The following CDCA4 variants were observed in gnomAD, a reference collection of about 807,000 sequenced individuals.
The protein encoded by CDCA4 is cell division cycle associated 4, also known as cell division cycle-associated protein 4.
For synonymous variants in CDCA4, 130 were observed against 137.0 expected, an observed-to-expected ratio of 0.95 and a Z score of 0.36; for missense variants, 294 against 322.1, an observed-to-expected ratio of 0.91 and a Z score of 0.67.
chr14:105,012,623 A>T (rs1566938524), intron 1 of CDCA4, among the ~76,000 whole-genome samples: 1 of 152,182 alleles, frequency 6.6e-6, no homozygotes, highest in East Asian at 1.9e-4. Flanking sequence ...TTTCGTGCAC[A>T]ATTCTCCAAG....
chr14:105,012,267 C>T (rs890169019), intron 1 of CDCA4, among the ~76,000 whole-genome samples: 8 of 152,210 alleles, frequency 5.3e-5, no homozygotes, highest in South Asian at 2.1e-4. Context: ...TGTAAGTGTT[C>T]GAGAGCTTGG....
At chr14:105,012,017 T>A in intron 1 of CDCA4, 82 bp from the exon 2 acceptor site, 1 of 1,482,228 alleles carries the variant, frequency 6.7e-7, no homozygotes, top group Non-Finnish European at 9.1e-7. Flanking sequence ...CTGACTGCCC[T>A]CACTGTACGC....
intron 1 of CDCA4, among the ~76,000 whole-genome samples, chr14:105,014,976 T>C (rs1406759779): frequency 6.6e-6 from 1 of 152,222 alleles, no homozygotes; most frequent in Non-Finnish European, 1.5e-5. Context: ...ACCCCCATAA[T>C]GTGGGGCCTA....
At chr14:105,018,148 C>T (rs1372752357) in intron 1 of CDCA4, among the ~76,000 whole-genome samples, 1 of 150,972 alleles carries the variant, frequency 6.6e-6, no homozygotes, top group East Asian at 2.0e-4. Context: ...GATTCTCTCT[C>T]GCCCCTTGTA....
chr14:105,016,775 T>G (rs1407818767), intron 1 of CDCA4, among the ~76,000 whole-genome samples: 1 of 152,254 alleles, frequency 6.6e-6, no homozygotes, highest in Non-Finnish European at 1.5e-5. Context: ...AGCACCCTTC[T>G]GAGGTTGGCT....
At position 105,021,080 on chromosome 14, in the gene CDCA4, G is replaced by T. The variant is rs1456603855; in HGVS notation, c.-88C>A. ...CGCCAGCTTCCCGCCGCTGAGGAAG[G>T]AGCGCCCGACGGCGCGGGGCGGGGC... On this transcript the variant is annotated 5_prime_UTR_variant, in exon 1 of 2. Transcript: ENST00000336219. The T allele has an allele frequency of 6.6e-6, 1 of 152,460 alleles. No individual in the cohort carries two copies. The highest frequency in any genetic ancestry group is 1.9e-4 in the South Asian group (1 of 5,392). The allele number at this position is 152,460 out of a possible 1,614,324, so 9.4% of individuals were successfully genotyped here.
chr14:105,017,209 AGT>A (rs1900674365), intron 1 of CDCA4, among the ~76,000 whole-genome samples: 3 of 150,956 alleles, frequency 2.0e-5, no homozygotes, highest in African/African-American at 4.9e-5. Flanking sequence ...CATCACTCTC[AGT>A]TGTAAGCATT....
In CDCA4 at chr14:105,009,777, G is replaced by C. The variant is rs377617161; in HGVS notation, c.*1427C>G. ...AAAAGAATTTGCTCTGCAACCCTGT[G>C]GGGGGGGGAAATAAAAGTAACCCAG... On this transcript the variant is annotated 3_prime_UTR_variant, in exon 2 of 2. Coordinates refer to ENST00000336219, the MANE Select transcript of CDCA4 (RefSeq NM_017955.4). 1.5e-3 allele frequency: 33 copies of C among 21,446 alleles called. No homozygotes were observed. Among genetic ancestry groups the C allele is most frequent in the African/African-American group, 2.8e-3 (33 of 11,602 alleles). The allele number at this position is 21,446 out of a possible 1,614,324, so 1.3% of individuals were successfully genotyped here. A position where few individuals can be genotyped will look rare whatever the true frequency, so the allele number is the denominator to read the frequency against.
At chr14:105,016,410 C>T (rs1900656696) in intron 1 of CDCA4, among the ~76,000 whole-genome samples, 1 of 152,224 alleles carries the variant, frequency 6.6e-6, no homozygotes. Context: ...ATTTGGCTTC[C>T]TTAGCCTCGG....
chr14:105,011,901 C>A lies in CDCA4; in HGVS notation c.29G>T (p.Cys10Phe). 1.2e-6 allele frequency: 2 copies of A among 1,612,692 alleles called. No individual in the cohort carries two copies. Among genetic ancestry groups the A allele is most frequent in the Non-Finnish European group, 1.7e-6 (2 of 1,179,216 alleles). The change falls in exon 2 of 2, where the codon TGT becomes TTT. Residue 10 changes from cysteine (C) to phenylalanine (F), a missense_variant. Transcript: ENST00000336219. The stretch of plus-strand genomic sequence containing the variant: ...CTCCACGTCTTCCTCGTGGCCAACA[C>A]ATTTCCTCTTCAGTCCTCGTGCAAA... The part of the protein sequence containing the change: MFARGLKRK[C>F]VGHEEDVEGA...
intron 1 of CDCA4, among the ~76,000 whole-genome samples, chr14:105,014,765 C>T (rs561715361): frequency 6.6e-6 from 1 of 152,304 alleles, no homozygotes; most frequent in Non-Finnish European, 1.5e-5. Context: ...AAGATTAAGT[C>T]CCACGGGTTC....
At chr14:105,012,284 A>C (rs752791262) in intron 1 of CDCA4, among the ~76,000 whole-genome samples, 1 of 152,276 alleles carries the variant, frequency 6.6e-6, no homozygotes, top group Non-Finnish European at 1.5e-5. Context: ...TTGGCTGAAA[A>C]TCTGTTTCAA....
chr14:105,011,063 G>T lies in CDCA4; in HGVS notation c.*141C>A. ...CGGGCCTAGGGCTGCAGCCCCACTGGTAATGGGCTGTTCTGGGATTTCTCA... is the reference window on the plus strand; with the variant it reads ...CGGGCCTAGGGCTGCAGCCCCACTGTTAATGGGCTGTTCTGGGATTTCTCA... On this transcript the variant is annotated 3_prime_UTR_variant, in exon 2 of 2. Coordinates refer to ENST00000336219, the MANE Select transcript of CDCA4 (RefSeq NM_017955.4). The T allele has an allele frequency of 4.8e-6, 5 of 1,035,304 alleles. No individual in the cohort carries two copies. The highest frequency in any genetic ancestry group is 6.8e-6 in the Non-Finnish European group (5 of 732,696). 64.1% of individuals were successfully genotyped at this position (1,035,304 alleles called of 1,614,324 possible).
At chr14:105,015,459 C>T (rs1283567822) in intron 1 of CDCA4, among the ~76,000 whole-genome samples, 1 of 152,278 alleles carries the variant, frequency 6.6e-6, no homozygotes, top group Non-Finnish European at 1.5e-5. Context: ...CCTTCAGTAA[C>T]GGGCCAGGAA....
chr14:105,019,070 A>C (rs1460773122), intron 1 of CDCA4, among the ~76,000 whole-genome samples: 1 of 151,994 alleles, frequency 6.6e-6, no homozygotes, highest in African/African-American at 2.4e-5. Flanking sequence ...CTACACATCT[A>C]GTTAAATGCC....
chr14:105,016,056 T>C (rs546516424), intron 1 of CDCA4, among the ~76,000 whole-genome samples: 1 of 152,328 alleles, frequency 6.6e-6, no homozygotes, highest in East Asian at 1.9e-4. Context: ...AAAGCTCTCC[T>C]GTTCCCTCAC....
Position 105,011,912 on chromosome 14 carries a change from C to T in CDCA4, c.18G>A (p.Leu6=). 6.2e-7 allele frequency: 1 copy of T among 1,610,156 alleles called. No individual in the cohort carries two copies. Among genetic ancestry groups the T allele is most frequent in the Non-Finnish European group, 8.5e-7 (1 of 1,177,632 alleles). The part of the protein sequence containing the change: MFARG[L]KRKCVGHEED... The stretch of plus-strand genomic sequence containing the variant: ...CCTCGTGGCCAACACATTTCCTCTT[C>T]AGTCCTCGTGCAAACATTGTGTCCT... Residue 6 remains leucine (L), a synonymous_variant, in exon 2 of 2, where the codon CTG becomes CTA. Coordinates refer to ENST00000336219, the MANE Select transcript of CDCA4 (RefSeq NM_017955.4).
At chr14:105,017,701 C>T (rs1052781829) in intron 1 of CDCA4, among the ~76,000 whole-genome samples, 2 of 151,982 alleles carry the variant, frequency 1.3e-5, no homozygotes, top group Admixed American at 1.3e-4. Context: ...TGTGGTGGCA[C>T]GTGCCTGTAG....
At chr14:105,014,123 C>T (rs548225728) in intron 1 of CDCA4, among the ~76,000 whole-genome samples, 1 of 152,246 alleles carries the variant, frequency 6.6e-6, no homozygotes, top group African/African-American at 2.4e-5. Flanking sequence ...CATGCTGACC[C>T]AGAGCTGAGG....
Sources: allele counts gnomAD v4.1 joint callset (sites outside exome capture counted in the v4.1 genomes callset), GRCh38; gene constraint gnomAD v4.1.1; transcripts MANE v1.5; gene names NCBI Gene and HGNC (gene_info 2026-07-23, HGNC 2026-07-21).